The following TBC1D19 variants were observed in gnomAD, a reference collection of about 807,000 sequenced individuals.
TBC1D19 encodes TBC1 domain family member 19.
A neutral mutation model predicts 89.0 loss-of-function variants in TBC1D19; 60 were observed. That is an observed-to-expected ratio of 0.67 (90% CI 0.55 to 0.84). The LOEUF is 0.84. TBC1D19 is among the 40% of genes least tolerant of loss of function. The probability of loss-of-function intolerance (pLI) is 0.00; values close to 1 mark genes in which losing one functional copy is unlikely to be tolerated. For missense variants in TBC1D19, 500 were observed against 610.8 expected, an observed-to-expected ratio of 0.82 and a Z score of 1.91; for synonymous variants, 189 against 199.7, an observed-to-expected ratio of 0.95 and a Z score of 0.45.
At chr4:26,753,107 A>G (rs1719064446) in intron 19 of TBC1D19, among the ~76,000 whole-genome samples, 1 of 152,226 alleles carries the variant, frequency 6.6e-6, no homozygotes, top group African/African-American at 2.4e-5. Context: ...CCCTACAGAT[A>G]TATCCATTTG....
the TBC1D19 span, among the ~76,000 whole-genome samples, chr4:26,801,985 T>C: frequency 6.6e-6 from 1 of 152,140 alleles, no homozygotes; most frequent in Non-Finnish European, 1.5e-5. Context: ...TTATACTGTA[T>C]TGGAAAGACT....
intron 1 of TBC1D19, among the ~76,000 whole-genome samples, chr4:26,578,360 A>G (rs1342327688): frequency 6.6e-6 from 1 of 152,196 alleles, no homozygotes; most frequent in Non-Finnish European, 1.5e-5. Flanking sequence ...GTCCAACTGC[A>G]ATCTTCAATT....
Position 26,735,653 on chromosome 4 carries a change from T to A in TBC1D19, c.1117+166T>A, listed in dbSNP as rs574757079. On this transcript the variant is annotated intron_variant, in intron 16 of 20. Coordinates refer to ENST00000264866, the MANE Select transcript of TBC1D19 (RefSeq NM_018317.4). ...TTCCCCATAGGGGCTTCATTTTTTT[T>A]AATTATTATTTTTATTACACATTAG... is the stretch of plus-strand genomic sequence containing the variant. Among the ~76,000 whole-genome samples, 16 of 152,278 alleles carry A rather than the reference T, an allele frequency of 1.1e-4. No homozygotes were observed. In the East Asian group the frequency reaches 1.9e-3, roughly 18 times the overall value.
chr4:26,751,027 A>C (rs1434256576), intron 19 of TBC1D19, among the ~76,000 whole-genome samples: 1 of 152,204 alleles, frequency 6.6e-6, no homozygotes, highest in African/African-American at 2.4e-5. Context: ...TAAAGTAATA[A>C]GACCAAAAGA....
chr4:26,602,435 C>CTTTTTTTTTTTT (rs34004440), intron 1 of TBC1D19, among the ~76,000 whole-genome samples: 3 of 73,042 alleles, frequency 4.1e-5, no homozygotes, highest in African/African-American at 1.4e-4. Context: ...CTATTGTATT[C>CTTTTTTTTTTTT]TTTTTTTTTT....
intron 19 of TBC1D19, among the ~76,000 whole-genome samples, chr4:26,750,705 A>G (rs1399126054): frequency 1.3e-5 from 2 of 152,260 alleles, no homozygotes; most frequent in Admixed American, 6.5e-5. Context: ...CTTTAAAAAA[A>G]TCTACAGGGA....
In TBC1D19 at chr4:26,666,398, G is replaced by A. The variant is rs1447507627; in HGVS notation, c.657G>A (p.Val219=). The A allele has an allele frequency of 2.1e-5, 34 of 1,608,728 alleles. No homozygotes were observed. Among genetic ancestry groups the A allele is most frequent in the Non-Finnish European group, 2.9e-5 (34 of 1,176,844 alleles). The change falls in exon 9 of 21, where the codon GTG becomes GTA. Residue 219 remains valine (V), a synonymous_variant. Coordinates refer to ENST00000264866, the MANE Select transcript of TBC1D19 (RefSeq NM_018317.4). ...TGGGTATAGATGATTCTACACAAGT[G>A]CCTCCTGGTTAGTATTTTTCCAACG... is the stretch of plus-strand genomic sequence containing the variant. ...GQLGIDDSTQ[V]PPELFENEHV...
At chr4:26,674,511 C>T (rs1467169203) in intron 11 of TBC1D19, among the ~76,000 whole-genome samples, 2 of 151,822 alleles carry the variant, frequency 1.3e-5, no homozygotes. Context: ...TAGAAGTTAT[C>T]CATTTAAAAA....
At chr4:26,850,190 A>G in the TBC1D19 span, among the ~76,000 whole-genome samples, 3 of 152,100 alleles carry the variant, frequency 2.0e-5, no homozygotes, top group Non-Finnish European at 4.4e-5. Context: ...GGGGTAATCA[A>G]CTTAAAATGA....
chr4:26,756,923 C>A (rs1320072193), downstream of TBC1D19, among the ~76,000 whole-genome samples: 1 of 152,190 alleles, frequency 6.6e-6, no homozygotes, highest in African/African-American at 2.4e-5. Context: ...CAACCACCCA[C>A]TTTGCTGCTT....
intron 1 of TBC1D19, among the ~76,000 whole-genome samples, chr4:26,589,016 T>TG (rs1739602460): frequency 6.6e-6 from 1 of 152,148 alleles, no homozygotes; most frequent in Non-Finnish European, 1.5e-5. Flanking sequence ...CAGATTCCTT[T>TG]GAAACTAGAG....
At chr4:26,656,985 CTT>C (rs1491536153) in intron 7 of TBC1D19, among the ~76,000 whole-genome samples, 4 of 119,434 alleles carry the variant, frequency 3.3e-5, no homozygotes, top group East Asian at 4.9e-4. Flanking sequence ...TCTTCTTCTT[CTT>C]CTTCTCCTTC....
chr4:26,629,171 C>T (rs1023982037), intron 4 of TBC1D19, among the ~76,000 whole-genome samples: 2 of 152,008 alleles, frequency 1.3e-5, no homozygotes, highest in African/African-American at 4.8e-5. Flanking sequence ...TGCCTCCTCT[C>T]ATCCCATATG....
At chr4:26,579,430 C>T (rs56832450), upstream of TBC1D19, among the ~76,000 whole-genome samples, 39 of 152,032 alleles carry the variant, frequency 2.6e-4, 1 homozygote, top group East Asian at 7.2e-3. Context: ...GAAAAATATT[C>T]TTTACTCAAA....
chr4:26,681,618 T>C (rs1240494750), intron 11 of TBC1D19, among the ~76,000 whole-genome samples: 1 of 152,184 alleles, frequency 6.6e-6, no homozygotes, highest in Non-Finnish European at 1.5e-5. Flanking sequence ...TCTGTAGATA[T>C]AAAAACATAG....
the TBC1D19 span, among the ~76,000 whole-genome samples, chr4:26,823,825 C>T: frequency 1.6e-4 from 24 of 152,216 alleles, no homozygotes; most frequent in Non-Finnish European, 2.9e-4. Flanking sequence ...TCTAAAGAAA[C>T]TGAAAGCTTG....
At chr4:26,709,971 A>G (rs1283431732) in intron 13 of TBC1D19, among the ~76,000 whole-genome samples, 1 of 152,102 alleles carries the variant, frequency 6.6e-6, no homozygotes, top group Non-Finnish European at 1.5e-5. Flanking sequence ...GTCTATTTTC[A>G]AAGCTAGTAA....
the TBC1D19 span, among the ~76,000 whole-genome samples, chr4:26,851,345 C>CTATCTATCTATCTA: frequency 1.3e-5 from 2 of 151,488 alleles, no homozygotes; most frequent in Admixed American, 1.3e-4. Context: ...ATCTATCTAT[C>CTATCTATCTATCTA]TATCTATCTA....
chr4:26,825,318 C>G, the TBC1D19 span, among the ~76,000 whole-genome samples: 1 of 152,108 alleles, frequency 6.6e-6, no homozygotes, highest in Non-Finnish European at 1.5e-5. Flanking sequence ...AGGATGGTCT[C>G]AATCTCTTGA....
Sources: gnomAD v4.1 joint callset for allele counts (sites outside exome capture counted in the v4.1 genomes callset) on GRCh38, gnomAD v4.1.1 for gene constraint, MANE v1.5 for transcripts, NCBI Gene and HGNC (gene_info 2026-07-23, HGNC 2026-07-21) for gene names.